Variants in TRPM6 observed in about 807,000 individuals in gnomAD.
TRPM6 encodes channel kinase 2.
Under a neutral mutation model 247.6 loss-of-function variants are expected in TRPM6, and 111 were observed. The observed-to-expected ratio is 0.45, with a 90% confidence interval of 0.38 to 0.52. The LOEUF is 0.52. TRPM6 is among the 20% of genes least tolerant of loss of function. The pLI is 0.00. For synonymous variants in TRPM6, 892 were observed against 853.8 expected (o/e 1.04, Z -0.78); for missense variants, 2,126 against 2,421.5 (o/e 0.88, Z 2.56).
At chr9:74,726,452 G>T (rs796140165) in intron 38 of TRPM6, among the ~76,000 whole-genome samples, 41 of 152,300 alleles carry the variant, frequency 2.7e-4, no homozygotes, top group African/African-American at 9.9e-4. Flanking sequence ...GGAGGTTGCA[G>T]TGAGCCGAGA....
At chr9:74,809,318 A>T (rs1828642710) in intron 13 of TRPM6, among the ~76,000 whole-genome samples, 1 of 152,202 alleles carries the variant, frequency 6.6e-6, no homozygotes, top group South Asian at 2.1e-4. Flanking sequence ...CTACCTCTTC[A>T]TAACTGTTCA....
rs941183053 is a variant in TRPM6, at chr9:74,733,012, G to A, written c.5777-276C>T. 5.9e-5 allele frequency among the ~76,000 whole-genome samples: 9 copies of A among 151,964 alleles called. No individual in the cohort carries two copies. The South Asian group carries it at 1.0e-3, about 18-fold the overall frequency. Reference sequence around the variant, plus strand: ...AGTTCGAGACCAGCCTGGCCAACACGGTGAAATCCCATCTCTACTAAAAAT... The same window carrying A: ...AGTTCGAGACCAGCCTGGCCAACACAGTGAAATCCCATCTCTACTAAAAAT... On this transcript the variant is annotated intron_variant, in intron 36 of 38. Transcript: ENST00000360774.
At chr9:74,779,022 G>A (rs1258360159) in intron 23 of TRPM6, among the ~76,000 whole-genome samples, 4 of 152,162 alleles carry the variant, frequency 2.6e-5, no homozygotes, top group Admixed American at 1.3e-4. Context: ...CCTTTCCCCT[G>A]AGAGCAAACG....
chr9:74,728,448 C>T, intron 37 of TRPM6, 103 bp from the exon 38 acceptor site: 1 of 822,184 alleles, frequency 1.2e-6, no homozygotes, highest in Non-Finnish European at 2.1e-6. Flanking sequence ...ACCCAGTAAA[C>T]TTGAAGGAGC....
At chr9:74,824,451 C>T (rs1829255776) in intron 7 of TRPM6, among the ~76,000 whole-genome samples, 1 of 144,830 alleles carries the variant, frequency 6.9e-6, no homozygotes, top group Admixed American at 7.1e-5. Context: ...CACACCTGGC[C>T]CACTTCTCTT....
chr9:74,786,067 T>C lies in TRPM6; in HGVS notation c.2726A>G (p.Tyr909Cys). 2 of 1,614,212 alleles carry C rather than the reference T, an allele frequency of 1.2e-6. No individual in the cohort carries two copies. The highest frequency in any genetic ancestry group is 1.7e-6 in the Non-Finnish European group (2 of 1,180,044). Residue 909 changes from tyrosine (Y) to cysteine (C), a missense_variant, in exon 21 of 39, where the codon TAC becomes TGC. Transcript: ENST00000360774. ...TQKVKVWISE[Y>C]WNLTETVAIG... ...GGCCACAGTTTCTGTTAAGTTCCAG[T>C]ACTCACTAATCCATACCTTCACCTT...
chr9:74,753,488 G>A (rs1407193444), intron 28 of TRPM6, among the ~76,000 whole-genome samples: 1 of 152,152 alleles, frequency 6.6e-6, no homozygotes, highest in East Asian at 1.9e-4. Context: ...TTGAGGACAG[G>A]AGTTTGAGAC....
intron 38 of TRPM6, among the ~76,000 whole-genome samples, chr9:74,725,446 T>C (rs902138307): frequency 2.0e-5 from 3 of 152,088 alleles, no homozygotes; most frequent in Non-Finnish European, 4.4e-5. Context: ...ACAATCAACA[T>C]TTATTGAACA....
At position 74,816,532 on chromosome 9, in the gene TRPM6, T is replaced by C. The variant is rs148654070; in HGVS notation, c.1308+137A>G. On this transcript the variant is annotated intron_variant, in intron 11 of 38. Coordinates refer to ENST00000360774, the MANE Select transcript of TRPM6 (RefSeq NM_017662.5). Reference sequence around the variant, plus strand: ...GGCAAAGTCGATGGGAAAAGTGTCTTAGCTATCCCAGCTACAGAGATGCTA... The same window carrying C: ...GGCAAAGTCGATGGGAAAAGTGTCTCAGCTATCCCAGCTACAGAGATGCTA... 1,020 of 705,410 alleles carry C rather than the reference T, an allele frequency of 1.4e-3. 8 individuals carry two copies. The African/African-American group carries it at 0.016, about 11-fold the overall frequency. The allele number at this position is 705,410 out of a possible 1,614,324, so 43.7% of individuals were successfully genotyped here. A position where few individuals can be genotyped will look rare whatever the true frequency, so the allele number is the denominator to read the frequency against.
At chr9:74,796,056 G>C (rs1828085814) in intron 18 of TRPM6, among the ~76,000 whole-genome samples, 1 of 152,120 alleles carries the variant, frequency 6.6e-6, no homozygotes, top group African/African-American at 2.4e-5. Flanking sequence ...CTAATAAATT[G>C]CATTACTTAA....
At position 74,858,892 on chromosome 9, in the gene TRPM6, C is replaced by G. The variant is rs926242352; in HGVS notation, c.34-144G>C. ...CAACCCCACACAGGCTAAGCATTTACCAGTTTCTATTACAGATAACATAGG... is the reference window on the plus strand; with the variant it reads ...CAACCCCACACAGGCTAAGCATTTAGCAGTTTCTATTACAGATAACATAGG... On this transcript the variant is annotated intron_variant, in intron 1 of 38. Transcript: ENST00000360774. 93 of 643,568 alleles carry G rather than the reference C, an allele frequency of 1.4e-4. 1 individual carries two copies. Among genetic ancestry groups the G allele is most frequent in the Middle Eastern group, 4.0e-4 (1 of 2,520 alleles). The allele number at this position is 643,568 out of a possible 1,614,324, so 39.9% of individuals were successfully genotyped here. A position where few individuals can be genotyped will look rare whatever the true frequency, so the allele number is the denominator to read the frequency against.
intron 27 of TRPM6, among the ~76,000 whole-genome samples, chr9:74,758,119 T>C (rs1826495102): frequency 6.6e-6 from 1 of 152,142 alleles, no homozygotes; most frequent in Admixed American, 6.5e-5. Context: ...CCTAAATAGC[T>C]CTATATCTAT....
At chr9:74,781,536 C>CAAAAAAAAAA (rs35938872) in intron 23 of TRPM6, among the ~76,000 whole-genome samples, 3 of 93,520 alleles carry the variant, frequency 3.2e-5, no homozygotes, top group Non-Finnish European at 6.0e-5. Context: ...GACTCTATCT[C>CAAAAAAAAAA]AAAAAAAAAA....
At chr9:74,846,031 G>A (rs959721847) in intron 3 of TRPM6, among the ~76,000 whole-genome samples, 9 of 151,716 alleles carry the variant, frequency 5.9e-5, no homozygotes, top group Non-Finnish European at 1.3e-4. Context: ...AAATCAATTT[G>A]ACATCAAGAG....
At chr9:74,863,554 A>G (rs1397211294) in intron 1 of TRPM6, among the ~76,000 whole-genome samples, 2 of 152,040 alleles carry the variant, frequency 1.3e-5, no homozygotes, top group Admixed American at 6.6e-5. Context: ...GAGAAGGCAT[A>G]ATTTCACAGA....
intron 17 of TRPM6, among the ~76,000 whole-genome samples, chr9:74,797,487 T>C (rs113326848): frequency 0.029 from 4,431 of 152,308 alleles, 204 homozygotes; most frequent in African/African-American, 0.1. Flanking sequence ...ATGTAAATGC[T>C]ATATAAATAG....
At chr9:74,884,519 A>ACATG (rs1191999929) in intron 1 of TRPM6, among the ~76,000 whole-genome samples, 2 of 151,738 alleles carry the variant, frequency 1.3e-5, no homozygotes, top group African/African-American at 4.8e-5. Flanking sequence ...ATACATACAT[A>ACATG]CATACATACA....
intron 1 of TRPM6, among the ~76,000 whole-genome samples, chr9:74,863,829 G>A (rs1301765960): frequency 1.3e-5 from 2 of 150,700 alleles, no homozygotes; most frequent in Non-Finnish European, 3.0e-5. Context: ...CTTGTTATCC[G>A]CCCAACTCGG....
In TRPM6 at chr9:74,808,064, G is replaced by A. The variant is rs1197269381; in HGVS notation, c.1608C>T (p.Ala536=). The A allele has an allele frequency of 1.2e-6, 2 of 1,613,730 alleles. No homozygotes were observed. Among genetic ancestry groups the A allele is most frequent in the African/African-American group, 2.7e-5 (2 of 74,854 alleles). ...RSNYTRKHFR[A]LYNNLYRKYK... ...ATTTTCTGTAGAGGTTGTTGTAGAG[G>A]GCTCTGAAATGTTTTCTAGTGTAGT... Residue 536 remains alanine (A), a synonymous_variant, in exon 14 of 39, where the codon GCC becomes GCT. Transcript: ENST00000360774.
Sources: allele counts gnomAD v4.1 joint callset (sites outside exome capture counted in the v4.1 genomes callset), GRCh38; gene constraint gnomAD v4.1.1; transcripts MANE v1.5; gene names NCBI Gene and HGNC (gene_info 2026-07-23, HGNC 2026-07-21).